The following VENTX variants were observed in gnomAD, a reference collection of about 807,000 sequenced individuals.
The protein encoded by VENTX is homeobox protein VENTX.
VENTX carries 13 observed loss-of-function variants against 10.5 expected under a neutral mutation model. That is an observed-to-expected ratio of 1.23 (90% CI 0.80 to 1.96). The LOEUF is 1.96. Ranked by LOEUF, VENTX falls within the 30% of genes most tolerant of loss-of-function variation. VENTX has a pLI of 0.00. For synonymous variants in VENTX, 177 were observed against 150.4 expected, an observed-to-expected ratio of 1.18 and a Z score of -1.29; for missense variants, 400 against 341.8, an observed-to-expected ratio of 1.17 and a Z score of -1.34.
rs781404871 is a variant in VENTX at position 133,239,827 on chromosome 10, A to G, written c.393A>G (p.Ser131=). 4 of 1,489,974 alleles carry G rather than the reference A, an allele frequency of 2.7e-6. No homozygotes were observed. The South Asian group carries it at 4.5e-5, about 17-fold the overall frequency. The allele number at this position is 1,489,974 out of a possible 1,614,324, so 92.3% of individuals were successfully genotyped here. A position where few individuals can be genotyped will look rare whatever the true frequency, so the allele number is the denominator to read the frequency against. The change falls in exon 2 of 3, where the codon TCA becomes TCG. Residue 131 remains serine, a synonymous_variant. Coordinates refer to ENST00000325980, the MANE Select transcript of VENTX (RefSeq NM_014468.4). ...RKRLAREMQL[S]EVQIKTWFQN... is the part of the protein sequence containing the mutation. ...GGCTGGCCAGGGAGATGCAGCTCTC[A>G]GAGGTCCAGGTGAGGTGGGCCGGGC...
In VENTX at chr10:133,240,285, A is replaced by G. The variant is rs1477594430; in HGVS notation, c.756A>G (p.Pro252=). Residue 252 remains proline (P), a synonymous_variant, in exon 3 of 3, where the codon CCA becomes CCG. Coordinates refer to ENST00000325980, the MANE Select transcript of VENTX (RefSeq NM_014468.4). Reference sequence around the variant, plus strand: ...GGCCCCGGGGCCTGTGTGCTATGCCACAGACGGGGGATGCATTTTGAGGAG... The same window carrying G: ...GGCCCCGGGGCCTGTGTGCTATGCCGCAGACGGGGGATGCATTTTGAGGAG... ...STGPRGLCAM[P]QTGDAF is the part of the protein sequence containing the mutation. The G allele has an allele frequency of 6.3e-7, 1 of 1,588,918 alleles. No homozygotes were observed. Among genetic ancestry groups the G allele is most frequent in the Non-Finnish European group, 8.6e-7 (1 of 1,165,552 alleles).
intron 1 of VENTX, 60 bp downstream of exon 1, chr10:133,238,215 C>A: frequency 6.7e-7 from 1 of 1,499,950 alleles, no homozygotes; most frequent in Non-Finnish European, 8.9e-7. Flanking sequence ...GGGGGAGAGG[C>A]CAGGAGCCCG....
intron 1 of VENTX, 115 bp downstream of exon 1, chr10:133,238,270 G>T: frequency 7.4e-7 from 1 of 1,351,328 alleles, no homozygotes; most frequent in Non-Finnish European, 9.7e-7. Flanking sequence ...GTCAGGGCCG[G>T]GGGCGTTTCC....
rs1845876342 is a variant in VENTX at position 133,238,093 on chromosome 10, C to T, written c.179C>T (p.Ala60Val). Residue 60 changes from alanine to valine, a missense_variant, in exon 1 of 3, where the codon GCC (alanine) becomes GTC (valine). Coordinates refer to ENST00000325980, the MANE Select transcript of VENTX (RefSeq NM_014468.4). Reference sequence around the variant, plus strand: ...TCCGGCGCCCGGGAGCCCCCTCAGGCCGTCAGCATCAAGGAGGCCGCCGGG... The same window carrying T: ...TCCGGCGCCCGGGAGCCCCCTCAGGTCGTCAGCATCAAGGAGGCCGCCGGG... ...QTSGAREPPQ[A>V]VSIKEAAGSS... 6.2e-7 allele frequency: 1 copy of T among 1,601,130 alleles called. No individual in the cohort carries two copies. Among genetic ancestry groups the T allele is most frequent in the Non-Finnish European group, 8.5e-7 (1 of 1,175,580 alleles).
Position 133,237,993 on chromosome 10 carries a change from AGCTGCTCAGG to A in VENTX, c.82_91del (p.Cys28ArgfsTer52). ...CTCCGTGGACTGGCTCTCCCAGAGC[AGCTGCTCAGG>A]GCCGACCCACACCCCCAGGCCTGCC... On this transcript the variant is annotated frameshift_variant, in exon 1 of 3. Coordinates refer to ENST00000325980, the MANE Select transcript of VENTX (RefSeq NM_014468.4). LOFTEE classifies it high-confidence loss of function. 2 of 1,600,578 alleles carry A rather than the reference AGCTGCTCAGG, an allele frequency of 1.2e-6. No individual in the cohort carries two copies. Among genetic ancestry groups the A allele is most frequent in the South Asian group, 2.2e-5 (2 of 89,286 alleles).
Position 133,239,725 on chromosome 10 carries a change from C to G in VENTX, c.291C>G (p.Ala97=). ...TGCGGGCCCCCCGTGTCCGCACAGCCTTCACCATGGAGCAGGTCCGCACCT... is the reference window on the plus strand; with the variant it reads ...TGCGGGCCCCCCGTGTCCGCACAGCGTTCACCATGGAGCAGGTCCGCACCT... ...NTLRAPRVRT[A]FTMEQVRTLE... is the part of the protein sequence containing the mutation. The change falls in exon 2 of 3, where the codon GCC becomes GCG. Residue 97 remains alanine, a synonymous_variant. Transcript: ENST00000325980. The G allele has an allele frequency of 2.5e-6, 4 of 1,611,210 alleles. No homozygotes were observed. Among genetic ancestry groups the G allele is most frequent in the Non-Finnish European group, 3.4e-6 (4 of 1,180,030 alleles).
At chr10:133,238,368 G>A (rs1053550443) in intron 1 of VENTX, among the ~76,000 whole-genome samples, 2 of 152,174 alleles carry the variant, frequency 1.3e-5, no homozygotes, top group African/African-American at 4.8e-5. Flanking sequence ...TCCTCTCCTT[G>A]AGCCCCCGGT....
rs775900656 is a variant in VENTX, at chr10:133,238,156, G to T, written c.241+1G>T. On this transcript the variant is annotated splice_donor_variant, in intron 1 of 2. Transcript: ENST00000325980. LOFTEE classifies it high-confidence loss of function. ...CCTGCGCCGGAGAGGACCATGGCCG[G>T]TAGGTCCGGGTGGGGGGGGTCCCTT... 6.3e-7 allele frequency: 1 copy of T among 1,588,300 alleles called. No homozygotes were observed. The highest frequency in any genetic ancestry group is 1.7e-5 in the Admixed American group (1 of 58,598).
At position 133,241,052 on chromosome 10, in the gene VENTX, T is replaced by A. The variant is rs570984443; in HGVS notation, c.*746T>A. On this transcript the variant is annotated 3_prime_UTR_variant, in exon 3 of 3. Transcript: ENST00000325980. Reference sequence around the variant, plus strand: ...GTTGGAAACAGTAAAGGTTGTAAGCTTTGTGTGTACAAAAGAAAACAGGGA... The same window carrying A: ...GTTGGAAACAGTAAAGGTTGTAAGCATTGTGTGTACAAAAGAAAACAGGGA... 6.6e-6 allele frequency: 1 copy of A among 152,378 alleles called. No homozygotes were observed. Among genetic ancestry groups the A allele is most frequent in the African/African-American group, 2.4e-5 (1 of 41,588 alleles). 9.4% of individuals were successfully genotyped at this position (152,378 alleles called of 1,614,324 possible).
At chr10:133,238,941 C>T (rs1193132640) in intron 1 of VENTX, among the ~76,000 whole-genome samples, 1 of 152,222 alleles carries the variant, frequency 6.6e-6, no homozygotes, top group East Asian at 1.9e-4. Flanking sequence ...AAAAGCCAGC[C>T]ATCCCTGTCC....
In VENTX at chr10:133,240,021, T is replaced by C. The variant is rs754465488; in HGVS notation, c.492T>C (p.His164=). The C allele has an allele frequency of 1.2e-6, 2 of 1,612,114 alleles. No homozygotes were observed. The highest frequency in any genetic ancestry group is 2.2e-5 in the East Asian group (1 of 44,882). ...ACAGCCCCTTCTCGGGGTCTCTCCA[T>C]GCGCCCCCAGCTTTCTACTCAACGT... ...QLHSPFSGSL[H]APPAFYSTSS... The change falls in exon 3 of 3, where the codon CAT becomes CAC. Residue 164 remains histidine, a synonymous_variant. Coordinates refer to ENST00000325980, the MANE Select transcript of VENTX (RefSeq NM_014468.4).
rs546045353 is a variant in VENTX, at chr10:133,240,221, C to T, written c.692C>T (p.Thr231Ile). Reference sequence around the variant, plus strand: ...CAGCCTCTGGCGTCCCACCCCCCTACCCCAGGCCGGCCTTCGCTGGGACCA... The same window carrying T: ...CAGCCTCTGGCGTCCCACCCCCCTATCCCAGGCCGGCCTTCGCTGGGACCA... ...CGQPLASHPP[T>I]PGRPSLGPAL... The change falls in exon 3 of 3, where the codon ACC (threonine) becomes ATC (isoleucine). Residue 231 changes from threonine to isoleucine, a missense_variant. Coordinates refer to ENST00000325980, the MANE Select transcript of VENTX (RefSeq NM_014468.4). The T allele has an allele frequency of 1.2e-6, 2 of 1,611,148 alleles. No individual in the cohort carries two copies. The highest frequency in any genetic ancestry group is 1.3e-5 in the African/African-American group (1 of 75,030).
At chr10:133,238,448 C>G (rs531134436) in intron 1 of VENTX, among the ~76,000 whole-genome samples, 1 of 152,162 alleles carries the variant, frequency 6.6e-6, no homozygotes, top group Non-Finnish European at 1.5e-5. Context: ...GGCCTGGTGC[C>G]GAGGGACCGT....
rs563375193 is a variant in VENTX at position 133,240,917 on chromosome 10, G to A, written c.*611G>A. On this transcript the variant is annotated 3_prime_UTR_variant, in exon 3 of 3. Transcript: ENST00000325980. The stretch of plus-strand genomic sequence containing the variant: ...AGTCGGTTTAGGAAGGAAACGAAGG[G>A]TCAGTGAACAGAGTCAAATGCAGAA... The A allele has an allele frequency of 6.6e-6, 1 of 152,166 alleles. No homozygotes were observed. The highest frequency in any genetic ancestry group is 2.4e-5 in the African/African-American group (1 of 41,428). The allele number at this position is 152,166 out of a possible 1,614,324, so 9.4% of individuals were successfully genotyped here. A position where few individuals can be genotyped will look rare whatever the true frequency, so the allele number is the denominator to read the frequency against.
At position 133,238,086 on chromosome 10, in the gene VENTX, C is replaced by T. The variant is rs1429206661; in HGVS notation, c.172C>T (p.Pro58Ser). ...PGQTSGAREP[P>S]QAVSIKEAAG... is the part of the protein sequence containing the mutation. Reference sequence around the variant, plus strand: ...CCAGACATCCGGCGCCCGGGAGCCCCCTCAGGCCGTCAGCATCAAGGAGGC... The same window carrying T: ...CCAGACATCCGGCGCCCGGGAGCCCTCTCAGGCCGTCAGCATCAAGGAGGC... The change falls in exon 1 of 3, where the codon CCT (proline) becomes TCT (serine). Residue 58 changes from proline to serine, a missense_variant. Transcript: ENST00000325980. 1.9e-6 allele frequency: 3 copies of T among 1,599,860 alleles called. No individual in the cohort carries two copies. The highest frequency in any genetic ancestry group is 1.1e-5 in the South Asian group (1 of 88,948).
rs1055498252 is a variant in VENTX at position 133,240,684 on chromosome 10, C to A, written c.*378C>A. On this transcript the variant is annotated 3_prime_UTR_variant, in exon 3 of 3. Coordinates refer to ENST00000325980, the MANE Select transcript of VENTX (RefSeq NM_014468.4). ...TCAGCCTCCCGAGTAGCTGGGATTA[C>A]AGACACCCGCCACCACGCCCGGCTA... is the stretch of plus-strand genomic sequence containing the variant. The A allele has an allele frequency of 6.6e-6, 1 of 151,294 alleles. No individual in the cohort carries two copies. Among genetic ancestry groups the A allele is most frequent in the African/African-American group, 2.4e-5 (1 of 41,086 alleles). 9.4% of individuals were successfully genotyped at this position (151,294 alleles called of 1,614,324 possible). A position where few individuals can be genotyped will look rare whatever the true frequency, so the allele number is the denominator to read the frequency against.
chr10:133,238,118 G>C lies in VENTX; in HGVS notation c.204G>C (p.Gly68=), dbSNP rs779715991. Residue 68 remains glycine, a synonymous_variant, in exon 1 of 3, where the codon GGG becomes GGC. Transcript: ENST00000325980. ...CCGTCAGCATCAAGGAGGCCGCCGG[G>C]TCCTCAAATCTGCCTGCGCCGGAGA... The part of the protein sequence containing the change: ...PQAVSIKEAA[G]SSNLPAPERT... 1.2e-6 allele frequency: 2 copies of C among 1,604,140 alleles called. No homozygotes were observed. The highest frequency in any genetic ancestry group is 1.7e-6 in the Non-Finnish European group (2 of 1,176,654).
rs55710246 is a variant in VENTX, at chr10:133,240,539, T to TA, written c.*233_*234insA. ...ATATGTGTGTGTATATATATATATA[T>TA]TTTTTTTTTTTTTTTTTTTTTTGAG... On this transcript the variant is annotated 3_prime_UTR_variant, in exon 3 of 3. Coordinates refer to ENST00000325980, the MANE Select transcript of VENTX (RefSeq NM_014468.4). 30,303 of 75,860 alleles carry TA rather than the reference T, an allele frequency of 0.4. 4,501 individuals are homozygous for TA. The highest frequency in any genetic ancestry group is 0.67 in the East Asian group (1,567 of 2,356). The allele number at this position is 75,860 out of a possible 1,614,324, so 4.7% of individuals were successfully genotyped here. A position where few individuals can be genotyped will look rare whatever the true frequency, so the allele number is the denominator to read the frequency against.
intron 2 of VENTX, 41 bp downstream of exon 2, chr10:133,239,877 A>T (rs1357013866): frequency 3.1e-6 from 5 of 1,607,142 alleles, no homozygotes; most frequent in Non-Finnish European, 4.3e-6. Context: ...AGGGGTGGGC[A>T]AGGGTGGGCT....
Sources: gnomAD v4.1 joint callset for allele counts (sites outside exome capture counted in the v4.1 genomes callset) on GRCh38, gnomAD v4.1.1 for gene constraint, MANE v1.5 for transcripts, NCBI Gene and HGNC (gene_info 2026-07-23, HGNC 2026-07-21) for gene names.